Variants in CDH12 observed in about 807,000 individuals in gnomAD.
CDH12 encodes the protein cadherin 12.
Under a neutral mutation model 74.1 loss-of-function variants are expected in CDH12, and 41 were observed. The ratio of observed to expected loss-of-function variants is 0.55; its 90% confidence interval spans 0.43 to 0.72. The LOEUF (loss-of-function observed/expected upper bound fraction) is 0.72, where lower values mean the gene tolerates loss of function less well. Among genes scored for constraint, CDH12 ranks in the 30% least tolerant of loss-of-function variants. The pLI is 0.00. For missense variants in CDH12, 945 were observed against 977.2 expected (o/e 0.97, Z 0.44); for synonymous variants, 399 against 355.0 (o/e 1.12, Z -1.39).
chr5:22,462,051 C>T (rs1235774381), intron 2 of CDH12, among the ~76,000 whole-genome samples: 1 of 152,042 alleles, frequency 6.6e-6, no homozygotes, highest in East Asian at 1.9e-4. Context: ...ATACATCTAT[C>T]AAACACTAAA....
chr5:22,586,334 G>T (rs933068559), intron 1 of CDH12, among the ~76,000 whole-genome samples: 4 of 151,976 alleles, frequency 2.6e-5, no homozygotes, highest in African/African-American at 9.7e-5. Flanking sequence ...ACTGGGGCCT[G>T]TTGTGGGGTG....
intron 2 of CDH12, among the ~76,000 whole-genome samples, chr5:22,478,646 C>A (rs1561434856): frequency 6.6e-6 from 1 of 151,858 alleles, no homozygotes; most frequent in East Asian, 1.9e-4. Context: ...CTTCTGTCCT[C>A]AGAGCCTGAA....
rs12332665 is a variant in CDH12 at position 22,055,958 on chromosome 5, T to A, written c.231+22488A>T. Among the ~76,000 whole-genome samples the A allele has an allele frequency of 3.8e-3, 572 of 152,254 alleles. 6 individuals carry two copies. The highest frequency in any genetic ancestry group is 0.013 in the African/African-American group (538 of 41,580). On this transcript the variant is annotated intron_variant, in intron 5 of 14. Transcript: ENST00000382254. ...AATACATAGTCATAAATAATACTTTTCAATTTGAATTTAAACATTGATGTT... is the reference window on the plus strand; with the variant it reads ...AATACATAGTCATAAATAATACTTTACAATTTGAATTTAAACATTGATGTT...
intron 10 of CDH12, among the ~76,000 whole-genome samples, chr5:21,799,525 G>C (rs1320037966): frequency 6.6e-6 from 1 of 152,080 alleles, no homozygotes; most frequent in African/African-American, 2.4e-5. Context: ...AACTTCATCT[G>C]CTATTTCAAA....
intron 3 of CDH12, among the ~76,000 whole-genome samples, chr5:22,234,896 T>C (rs1752509410): frequency 6.6e-6 from 1 of 152,052 alleles, no homozygotes; most frequent in Non-Finnish European, 1.5e-5. Flanking sequence ...GAAAGACAGA[T>C]GGACTTTTTT....
intron 4 of CDH12, among the ~76,000 whole-genome samples, chr5:22,191,210 C>T (rs1750255948): frequency 6.6e-6 from 1 of 152,050 alleles, no homozygotes; most frequent in Non-Finnish European, 1.5e-5. Flanking sequence ...ACTGCACATC[C>T]TCAGATCTCT....
intron 1 of CDH12, among the ~76,000 whole-genome samples, chr5:22,851,091 G>A (rs1405406782): frequency 6.6e-6 from 1 of 152,074 alleles, no homozygotes; most frequent in Non-Finnish European, 1.5e-5. Context: ...TACGTCACAT[G>A]AGGCATTAAG....
intron 3 of CDH12, among the ~76,000 whole-genome samples, chr5:22,370,003 C>T (rs1741208611): frequency 6.6e-6 from 1 of 151,864 alleles, no homozygotes; most frequent in Non-Finnish European, 1.5e-5. Context: ...GTTTTATGTA[C>T]TTAAAAAAAA....
At chr5:21,853,007 G>T (rs112273766) in intron 7 of CDH12, among the ~76,000 whole-genome samples, 7,433 of 151,360 alleles carry the variant, frequency 0.049, 221 homozygotes, top group African/African-American at 0.083. Flanking sequence ...TCAGCCTATT[G>T]TCCAGGCCTT....
chr5:22,038,848 A>G (rs984294481), intron 5 of CDH12, among the ~76,000 whole-genome samples: 1 of 152,168 alleles, frequency 6.6e-6, no homozygotes, highest in African/African-American at 2.4e-5. Context: ...CCCACATCCC[A>G]GAAAACCAGA....
At chr5:22,842,601 A>C (rs1362915563) in intron 1 of CDH12, among the ~76,000 whole-genome samples, 2 of 152,136 alleles carry the variant, frequency 1.3e-5, no homozygotes, top group African/African-American at 4.8e-5. Flanking sequence ...GATAAAGACA[A>C]GGTATCATTA....
chr5:22,825,067 T>C (rs1736210256), intron 1 of CDH12, among the ~76,000 whole-genome samples: 1 of 151,998 alleles, frequency 6.6e-6, no homozygotes, highest in Non-Finnish European at 1.5e-5. Context: ...AATAGAGATA[T>C]CTCTACAATC....
At chr5:21,840,728 C>T (rs1749794393) in intron 8 of CDH12, among the ~76,000 whole-genome samples, 2 of 152,170 alleles carry the variant, frequency 1.3e-5, no homozygotes, top group South Asian at 4.1e-4. Context: ...TGATCTTTGA[C>T]AAACCTGAGA....
intron 3 of CDH12, among the ~76,000 whole-genome samples, chr5:22,239,198 C>G (rs2150379705): frequency 6.6e-6 from 1 of 152,264 alleles, no homozygotes; most frequent in East Asian, 1.9e-4. Flanking sequence ...ACTTCTATAG[C>G]TTACTCTCTG....
At chr5:21,902,659 G>A (rs764453932) in intron 6 of CDH12, among the ~76,000 whole-genome samples, 2 of 152,098 alleles carry the variant, frequency 1.3e-5, no homozygotes, top group Admixed American at 6.6e-5. Flanking sequence ...TGACAGAAAT[G>A]TTCTCTATCT....
At position 22,341,012 on chromosome 5, in the gene CDH12, T is replaced by C. The variant is rs141866086; in HGVS notation, c.-333+64245A>G. Among the ~76,000 whole-genome samples the C allele has an allele frequency of 1.6e-3, 239 of 152,344 alleles. 1 individual carries two copies. Among genetic ancestry groups the C allele is most frequent in the African/African-American group, 5.3e-3 (221 of 41,588 alleles). The stretch of plus-strand genomic sequence containing the variant: ...TTTAGTTCTAAATTTTCATGCAGCA[T>C]GTCATCTGGTTTACAGATCTGAAAA... On this transcript the variant is annotated intron_variant, in intron 3 of 14. Coordinates refer to ENST00000382254, the MANE Select transcript of CDH12 (RefSeq NM_004061.5).
intron 6 of CDH12, among the ~76,000 whole-genome samples, chr5:21,962,987 T>C (rs1756426911): frequency 6.6e-6 from 1 of 152,114 alleles, no homozygotes; most frequent in Non-Finnish European, 1.5e-5. Flanking sequence ...TTCTGGCTTC[T>C]GTAGGCCTAC....
At chr5:22,713,999 T>C (rs1396332242) in intron 1 of CDH12, among the ~76,000 whole-genome samples, 1 of 152,226 alleles carries the variant, frequency 6.6e-6, no homozygotes, top group Non-Finnish European at 1.5e-5. Context: ...GTCCTTGTCC[T>C]ATTTCACGTT....
At chr5:21,854,907 A>ACTCATGGT in intron 6 of CDH12, 117 bp from the exon 7 acceptor site, 5 of 783,180 alleles carry the variant, frequency 6.4e-6, no homozygotes, top group Non-Finnish European at 1.0e-5. Flanking sequence ...GTACACCATG[A>ACTCATGGT]GTACATGATG....
Sources: allele counts gnomAD v4.1 joint callset (sites outside exome capture counted in the v4.1 genomes callset), GRCh38; gene constraint gnomAD v4.1.1; transcripts MANE v1.5; gene names NCBI Gene and HGNC (gene_info 2026-07-23, HGNC 2026-07-21).